The following TRPM3 variants were observed in gnomAD, a reference collection of about 807,000 sequenced individuals.
TRPM3 encodes transient receptor potential cation channel subfamily M member 3.
Under a neutral mutation model 181.2 loss-of-function variants are expected in TRPM3, and 77 were observed. That is an observed-to-expected ratio of 0.42 (90% CI 0.35 to 0.51). The LOEUF is 0.51. Among genes scored for constraint, TRPM3 ranks in the 20% least tolerant of loss-of-function variants. The pLI is 0.01. For missense variants in TRPM3, 1,759 were observed against 2,196.7 expected (o/e 0.80, Z 3.98); for synonymous variants, 745 against 796.4 (o/e 0.94, Z 1.09).
intron 1 of TRPM3, among the ~76,000 whole-genome samples, chr9:71,196,245 C>T (rs1440752861): frequency 6.6e-6 from 1 of 151,302 alleles, no homozygotes; most frequent in Non-Finnish European, 1.5e-5. Context: ...TTCCCAACCT[C>T]TGGGTCTTAA....
intron 8 of TRPM3, among the ~76,000 whole-genome samples, chr9:70,684,795 C>G (rs1167805811): frequency 1.3e-5 from 2 of 152,210 alleles, no homozygotes; most frequent in South Asian, 4.1e-4. Context: ...TTTGCTAATA[C>G]TTTATTTAGG....
chr9:71,191,931 G>T (rs1369802172), intron 1 of TRPM3, among the ~76,000 whole-genome samples: 3 of 151,604 alleles, frequency 2.0e-5, no homozygotes, highest in Non-Finnish European at 4.4e-5. Context: ...TGAATGGGGA[G>T]GTAACTATGT....
chr9:70,805,260 CAGAGAGACAG>C (rs1367444433), intron 6 of TRPM3, among the ~76,000 whole-genome samples: 3 of 149,640 alleles, frequency 2.0e-5, no homozygotes, highest in Middle Eastern at 3.4e-3. Context: ...CAGAGAGAGA[CAGAGAGACAG>C]AGAGAGACAG....
chr9:70,847,262 T>C (rs2095004748), intron 3 of TRPM3, among the ~76,000 whole-genome samples: 1 of 152,184 alleles, frequency 6.6e-6, no homozygotes, highest in Non-Finnish European at 1.5e-5. Context: ...AATGAAATAC[T>C]ATAAATACAT....
chr9:71,281,020 T>A (rs558708154), intron 1 of TRPM3, among the ~76,000 whole-genome samples: 1 of 152,358 alleles, frequency 6.6e-6, no homozygotes, highest in East Asian at 1.9e-4. Flanking sequence ...AGACCACATG[T>A]GTCTTGTTCA....
intron 1 of TRPM3, among the ~76,000 whole-genome samples, chr9:71,140,518 C>A (rs1888076): frequency 0.54 from 81,779 of 152,066 alleles, 25,321 homozygotes; most frequent in East Asian, 0.71. Flanking sequence ...CCTGACACCT[C>A]CCCAAGTTTG....
intron 1 of TRPM3, among the ~76,000 whole-genome samples, chr9:71,220,296 C>G (rs2080155364): frequency 6.6e-6 from 1 of 151,838 alleles, no homozygotes; most frequent in Admixed American, 6.6e-5. Context: ...GATGTCATTA[C>G]TTTTCTGGTC....
chr9:71,389,341 C>T (rs182189791), intron 1 of TRPM3, among the ~76,000 whole-genome samples: 1 of 151,864 alleles, frequency 6.6e-6, no homozygotes, highest in African/African-American at 2.4e-5. Context: ...AACAGATGTT[C>T]GTGTGGATGC....
chr9:70,924,710 A>T (rs1808962183), intron 1 of TRPM3, among the ~76,000 whole-genome samples: 1 of 152,170 alleles, frequency 6.6e-6, no homozygotes, highest in African/African-American at 2.4e-5. Flanking sequence ...CGCTAAGCTA[A>T]AATTTGACAT....
chr9:71,350,002 T>TATATATA (rs2091529433), intron 1 of TRPM3, among the ~76,000 whole-genome samples: 2 of 5,762 alleles, frequency 3.5e-4, no homozygotes, highest in Non-Finnish European at 6.5e-4. Flanking sequence ...TATATATATA[T>TATATATA]GGGCCTAAAA....
At chr9:70,659,222 T>C (rs1305980120) in intron 9 of TRPM3, among the ~76,000 whole-genome samples, 2 of 152,140 alleles carry the variant, frequency 1.3e-5, no homozygotes, top group Non-Finnish European at 1.5e-5. Flanking sequence ...GAACTGAACT[T>C]GACTTATGGA....
intron 1 of TRPM3, among the ~76,000 whole-genome samples, chr9:71,302,503 T>G (rs1388902372): frequency 1.3e-5 from 2 of 152,346 alleles, no homozygotes; most frequent in East Asian, 1.9e-4. Flanking sequence ...ATAATTTCAT[T>G]TCTCCATTTC....
chr9:71,184,309 T>G (rs942220123), intron 1 of TRPM3, among the ~76,000 whole-genome samples: 5 of 152,138 alleles, frequency 3.3e-5, no homozygotes, highest in African/African-American at 1.2e-4. Flanking sequence ...ACCACTTTAC[T>G]CAACGCTCAT....
rs71352362 is a variant in TRPM3 at position 71,232,491 on chromosome 9, CTTTTTTTTT to C, written c.183+214153_183+214161del. On this transcript the variant is annotated intron_variant, in intron 1 of 24. Coordinates refer to the TRPM3 transcript ENST00000357533. ...CGCACATGGAAATTGAATTCAGTGT[CTTTTTTTTT>C]TTTTTTTTTTTTTTTTTTGAGACAG... Among the ~76,000 whole-genome samples, 17 of 59,148 alleles carry C rather than the reference CTTTTTTTTT, an allele frequency of 2.9e-4. 1 individual carries two copies. In the South Asian group the frequency reaches 3.5e-3, roughly 12 times the overall value. The allele number at this position is 59,148 out of a possible 152,430, so 38.8% of individuals were successfully genotyped here.
chr9:71,353,173 A>G (rs942086857), intron 1 of TRPM3, among the ~76,000 whole-genome samples: 8 of 151,670 alleles, frequency 5.3e-5, no homozygotes, highest in African/African-American at 1.7e-4. Flanking sequence ...TCCTTCTCCA[A>G]TGCACCACCC....
chr9:71,446,727 C>T, exon 1 of TRPM3: 1 of 1,550,594 alleles, frequency 6.4e-7, no homozygotes, highest in Non-Finnish European at 8.7e-7. Flanking sequence ...CACGACTCGG[C>T]AAACCTGCCC....
intron 1 of TRPM3, among the ~76,000 whole-genome samples, chr9:71,302,928 G>A (rs953205440): frequency 2.0e-5 from 3 of 152,074 alleles, no homozygotes; most frequent in Admixed American, 6.6e-5. Flanking sequence ...AAAGGCCTAG[G>A]GAAGATATCT....
intron 5 of TRPM3, among the ~76,000 whole-genome samples, chr9:70,831,963 A>ATG (rs2093933762): frequency 1.5e-4 from 2 of 13,508 alleles, no homozygotes; most frequent in South Asian, 2.4e-3. Context: ...TACCCCATAA[A>ATG]TATATATATA....
In TRPM3 at chr9:70,850,595, T is replaced by C. The variant is rs978619339; in HGVS notation, c.463-4004A>G. Among the ~76,000 whole-genome samples the C allele has an allele frequency of 8.5e-5, 13 of 152,282 alleles. No individual in the cohort carries two copies. In the East Asian group the frequency reaches 2.1e-3, roughly 25 times the overall value. ...TTGTTGCATGCCAATCATACCTCAG[T>C]AAAGTGGTTTAAGATAAAGATGAAA... On this transcript the variant is annotated intron_variant, in intron 3 of 25. Coordinates refer to ENST00000677713, the MANE Select transcript of TRPM3 (RefSeq NM_001366145.2).
Sources: gnomAD v4.1 joint callset for allele counts (sites outside exome capture counted in the v4.1 genomes callset) on GRCh38, gnomAD v4.1.1 for gene constraint, MANE v1.5 for transcripts, NCBI Gene and HGNC (gene_info 2026-07-23, HGNC 2026-07-21) for gene names.